The following DDX11 variants were observed in gnomAD, a reference collection of about 807,000 sequenced individuals.
DDX11 encodes the protein ATP-dependent DNA helicase DDX11.
Under a neutral mutation model 125.2 loss-of-function variants are expected in DDX11, and 72 were observed. The ratio of observed to expected loss-of-function variants is 0.58; its 90% CI spans 0.48 to 0.70. DDX11 has a LOEUF of 0.70. Ranked by LOEUF, DDX11 falls within the 30% of genes least tolerant of loss-of-function variation. The pLI, the probability that DDX11 is intolerant of heterozygous loss-of-function variation, is 0.00. For synonymous variants in DDX11, 347 were observed against 452.6 expected, an observed-to-expected ratio of 0.77 and a Z score of 2.96; for missense variants, 883 against 1,165.0, an observed-to-expected ratio of 0.76 and a Z score of 3.52.
intron 4 of DDX11, 103 bp downstream of exon 4, chr12:31,084,772 C>T: frequency 8.7e-7 from 1 of 1,146,016 alleles, no homozygotes; most frequent in Non-Finnish European, 1.3e-6. Context: ...CTCCGTGACC[C>T]TCACTGGCTA....
intron 10 of DDX11, among the ~76,000 whole-genome samples, chr12:31,092,245 C>T (rs2075320): frequency 0.54 from 81,008 of 150,954 alleles, 22,976 homozygotes; most frequent in East Asian, 0.82. Flanking sequence ...TCAAGATCAG[C>T]GCAGGCTCCT....
At chr12:31,100,117 G>C (rs532606628) in intron 18 of DDX11, among the ~76,000 whole-genome samples, 1 of 152,150 alleles carries the variant, frequency 6.6e-6, no homozygotes, top group Non-Finnish European at 1.5e-5. Flanking sequence ...TTTGTGGGCT[G>C]TATCTTCTCA....
chr12:31,097,977 G>A lies in DDX11; in HGVS notation c.1855G>A (p.Ala619Thr). Residue 619 changes from alanine to threonine, a missense_variant, in exon 18 of 27, where the codon GCG becomes ACG. By Grantham distance (58) the Ala-to-Thr change is moderately conservative. Around this residue, in one of 5 missense-constraint regions of DDX11, gnomAD observed 241 missense variants for 279.7 expected, o/e 0.86. Coordinates refer to ENST00000542838, the MANE Select transcript of DDX11 (RefSeq NM_030653.4). The stretch of plus-strand genomic sequence containing the variant: ...GAAGGAATGCCGGGCAGTGGTCATT[G>A]CGGGGGGTACCATGCAGCCGGTAAG... The part of the protein sequence containing the change: ...VVKECRAVVI[A>T]GGTMQPVSDF... 1.2e-6 allele frequency: 2 copies of A among 1,613,824 alleles called. No homozygotes were observed. Among genetic ancestry groups the A allele is most frequent in the Non-Finnish European group, 8.5e-7 (1 of 1,179,774 alleles).
chr12:31,082,307 T>G (rs1312329408), intron 2 of DDX11, among the ~76,000 whole-genome samples: 3 of 151,678 alleles, frequency 2.0e-5, no homozygotes, highest in African/African-American at 7.3e-5. Context: ...TCCAGAGGAT[T>G]TGGCCTTTTG....
rs1482819437 is a variant in DDX11, at chr12:31,091,874, G to T, written c.1242+3G>T. ...GCGTGGAGGTCAGCGGCTCCCAGGT[G>T]TGTGGGCCTCCCCTCCCCGGGCCAG... On this transcript the variant is annotated splice_donor_region_variant and intron_variant, in intron 10 of 26. Coordinates refer to ENST00000542838, the MANE Select transcript of DDX11 (RefSeq NM_030653.4). The T allele has an allele frequency of 1.2e-6, 2 of 1,613,520 alleles. No homozygotes were observed. Among genetic ancestry groups the T allele is most frequent in the African/African-American group, 2.7e-5 (2 of 74,950 alleles).
chr12:31,083,572 G>A (rs1441153880), intron 2 of DDX11, among the ~76,000 whole-genome samples: 1 of 152,126 alleles, frequency 6.6e-6, no homozygotes, highest in Middle Eastern at 3.2e-3. Context: ...TCAGAACAGT[G>A]AGCTGGATAA....
chr12:31,089,491 G>A lies in DDX11; in HGVS notation c.880+1G>A, dbSNP rs757502950. 9.3e-6 allele frequency: 15 copies of A among 1,612,326 alleles called. No homozygotes were observed. Among genetic ancestry groups the A allele is most frequent in the Non-Finnish European group, 1.2e-5 (14 of 1,178,998 alleles). ...GTGGACATGCAGAGAAGCAGGCACG[G>A]TAGCCACTGGGACCATGGTGTAGCC... On this transcript the variant is annotated splice_donor_variant, in intron 8 of 26. Coordinates refer to ENST00000542838, the MANE Select transcript of DDX11 (RefSeq NM_030653.4). LOFTEE classifies it high-confidence loss of function.
chr12:31,085,741 T>C (rs1438069392), intron 5 of DDX11, among the ~76,000 whole-genome samples: 1 of 152,174 alleles, frequency 6.6e-6, no homozygotes, highest in Non-Finnish European at 1.5e-5. Flanking sequence ...GTGTCTGCTC[T>C]GAGTATGGCA....
intron 2 of DDX11, among the ~76,000 whole-genome samples, chr12:31,081,597 G>C (rs1941951137): frequency 6.6e-6 from 1 of 151,476 alleles, no homozygotes. Context: ...GTGAACCTGT[G>C]AGCATTTTCT....
At chr12:31,088,033 T>C in intron 6 of DDX11, 50 bp downstream of exon 6, 1 of 1,604,340 alleles carries the variant, frequency 6.2e-7, no homozygotes. Context: ...TAGGCTGGGC[T>C]GTGCACCCCT....
In DDX11 at chr12:31,104,761, T is replaced by C. The variant is rs11219; in HGVS notation, c.*925T>C. Reference sequence around the variant, plus strand: ...CAGATGTTTGCATCCTGCACAGCTATAGGTCCTTAAATAAAAGTGTGCTGT... The same window carrying C: ...CAGATGTTTGCATCCTGCACAGCTACAGGTCCTTAAATAAAAGTGTGCTGT... On this transcript the variant is annotated 3_prime_UTR_variant, in exon 27 of 27. Coordinates refer to ENST00000542838, the MANE Select transcript of DDX11 (RefSeq NM_030653.4). The C allele has an allele frequency of 0.54, 82,755 of 152,968 alleles. 23,558 individuals are homozygous for C. The highest frequency in any genetic ancestry group is 0.82 in the East Asian group (4,236 of 5,184). 9.5% of individuals were successfully genotyped at this position (152,968 alleles called of 1,614,324 possible).
chr12:31,091,667 G>A lies in DDX11; in HGVS notation c.1090-52G>A, dbSNP rs4031292. The A allele has an allele frequency of 4.6e-6, 7 of 1,532,302 alleles. No homozygotes were observed. In the South Asian group the frequency reaches 7.2e-5, roughly 16 times the overall value. 94.9% of individuals were successfully genotyped at this position (1,532,302 alleles called of 1,614,324 possible). ...AGGAGCTCAGTGTCAGGCAGGCAAG[G>A]CTCCTGCAGGGGAGCCCCGCCCTGC... On this transcript the variant is annotated intron_variant, in intron 9 of 26. Transcript: ENST00000542838.
intron 19 of DDX11, 56 bp downstream of exon 19, chr12:31,100,763 T>C: frequency 6.5e-7 from 1 of 1,544,606 alleles, no homozygotes; most frequent in Admixed American, 2.0e-5. Flanking sequence ...GGCCCCCGTT[T>C]TCTGTGGGTA....
In DDX11 at chr12:31,087,991, A is replaced by G. The variant is rs7308773; in HGVS notation, c.684+8A>G. 0.48 allele frequency: 745,615 copies of G among 1,554,024 alleles called. 191,794 individuals are homozygous for G. Among genetic ancestry groups the G allele is most frequent in the East Asian group, 0.85 (37,256 of 44,070 alleles). On this transcript the variant is annotated splice_region_variant and intron_variant, in intron 6 of 26. Coordinates refer to ENST00000542838, the MANE Select transcript of DDX11 (RefSeq NM_030653.4). ...GAAGAACACATAACTAAGGTAACAC[A>G]AGTGTCCTCAGCTGGTGCTGTGCTG...
chr12:31,101,474 G>A (rs1156988677), intron 20 of DDX11: 1 of 498,498 alleles, frequency 2.0e-6, no homozygotes, highest in African/African-American at 1.9e-5. Context: ...GGGGCTTGGG[G>A]GCATCTCCTG....
At chr12:31,094,100 CTT>C (rs1565898687) in intron 12 of DDX11, among the ~76,000 whole-genome samples, 1 of 152,198 alleles carries the variant, frequency 6.6e-6, no homozygotes, top group African/African-American at 2.4e-5. Context: ...TCCCACGCCT[CTT>C]TGCATGACCC....
intron 11 of DDX11, 48 bp from the exon 12 acceptor site, chr12:31,093,197 A>C (rs1351833628): frequency 6.9e-7 from 1 of 1,458,788 alleles, no homozygotes; most frequent in Non-Finnish European, 9.5e-7. Context: ...GGGCGGGGCG[A>C]GTCGCCATCA....
At chr12:31,074,912 TC>T (rs1352589529) in intron 1 of DDX11, among the ~76,000 whole-genome samples, 3 of 152,204 alleles carry the variant, frequency 2.0e-5, no homozygotes, top group African/African-American at 7.2e-5. Context: ...TTTCTCACAG[TC>T]CCAGAGGCTT....
At position 31,094,489 on chromosome 12, in the gene DDX11, T is replaced by A. The variant is rs1944864965; in HGVS notation, c.1370-101T>A. ...CAAAACAAAGCCATTTAAATACAGA[T>A]GCTCTTCTTACTTGATGTGCAGTGT... is the stretch of plus-strand genomic sequence containing the variant. On this transcript the variant is annotated intron_variant, in intron 12 of 26. Coordinates refer to ENST00000542838, the MANE Select transcript of DDX11 (RefSeq NM_030653.4). The A allele has an allele frequency of 2.0e-6, 3 of 1,529,826 alleles. No individual in the cohort carries two copies. The Admixed American group carries it at 5.9e-5, about 30-fold the overall frequency. 94.8% of individuals were successfully genotyped at this position (1,529,826 alleles called of 1,614,324 possible).
Sources: allele counts gnomAD v4.1 joint callset (sites outside exome capture counted in the v4.1 genomes callset), GRCh38; gene constraint gnomAD v4.1.1; regional missense constraint gnomAD v4.1.1; transcripts MANE v1.5; gene names NCBI Gene and HGNC (gene_info 2026-07-23, HGNC 2026-07-21).